WNT5A: variants seen among roughly 807,000 people sequenced by gnomAD.
WNT5A encodes protein Wnt-5a.
In WNT5A, 9 loss-of-function variants were observed where a neutral mutation model predicts 42.1. That is an observed-to-expected ratio of 0.21 (90% confidence interval 0.13 to 0.37). The LOEUF (loss-of-function observed/expected upper bound fraction) is 0.37. Ranked by LOEUF, WNT5A falls within the 10% of genes least tolerant of loss-of-function variation. WNT5A has a pLI of 1.00. For synonymous variants in WNT5A, 210 were observed against 210.0 expected (o/e 1.00, Z 0.00); for missense variants, 426 against 534.0 (o/e 0.80, Z 1.99).
rs188147885 is a variant in WNT5A at position 55,473,086 on chromosome 3, C to T, written c.684+1251G>A. Reference sequence around the variant, plus strand: ...TTTTAACCCAGATTTCTCTAATTCCCGAACTGCTAGCTCTTCATCTCTTAG... The same window carrying T: ...TTTTAACCCAGATTTCTCTAATTCCTGAACTGCTAGCTCTTCATCTCTTAG... On this transcript the variant is annotated intron_variant, in intron 4 of 4. Coordinates refer to ENST00000264634, the MANE Select transcript of WNT5A (RefSeq NM_003392.7). Among the ~76,000 whole-genome samples the T allele has an allele frequency of 7.2e-5, 11 of 152,278 alleles. No homozygotes were observed. In the East Asian group the frequency reaches 1.4e-3, roughly 19 times the overall value.
rs1366241871 is a variant in WNT5A at position 55,467,817 on chromosome 3, T to C, written c.*2275A>G. On this transcript the variant is annotated 3_prime_UTR_variant, in exon 5 of 5. Transcript: ENST00000264634. The stretch of plus-strand genomic sequence containing the variant: ...TTAAACTCAACTCTCTTCATAAACA[T>C]GAGTCACTAAAAAGGAACAATCTGA... 2 of 151,598 alleles carry C rather than the reference T, an allele frequency of 1.3e-5. No homozygotes were observed. The highest frequency in any genetic ancestry group is 4.9e-5 in the African/African-American group (2 of 41,100). 9.4% of individuals were successfully genotyped at this position (151,598 alleles called of 1,614,324 possible).
chr3:55,490,213 C>G (rs966710345), upstream of WNT5A: 1 of 152,272 alleles, frequency 6.6e-6, no homozygotes, highest in African/African-American at 2.4e-5. Context: ...TCCACACATA[C>G]AGCCAGTCTA....
the WNT5A span, among the ~76,000 whole-genome samples, chr3:55,497,169 A>T: frequency 2.0e-3 from 302 of 152,376 alleles, no homozygotes; most frequent in African/African-American, 7.0e-3. Flanking sequence ...TCCCAAATGC[A>T]TGGGTGAGGT....
In WNT5A at chr3:55,470,279, C is replaced by T; in HGVS notation, c.956G>A (p.Gly319Asp). The T allele has an allele frequency of 6.2e-7, 1 of 1,614,012 alleles. No individual in the cohort carries two copies. The highest frequency in any genetic ancestry group is 1.1e-5 in the South Asian group (1 of 91,084). Residue 319 changes from glycine to aspartate, a missense_variant, in exon 5 of 5, where the codon GGC (glycine) becomes GAC (aspartate). Transcript: ENST00000264634. ...CVRNESTGSLGTQGRLCNKTS... is the reference protein window; with the variant it reads ...CVRNESTGSLDTQGRLCNKTS... ...CTTGTTGCACAGGCGGCCCTGCGTG[C>T]CCAGCGAGCCGGTGCTCTCATTGCG...
chr3:55,488,910 A>T (rs2051623601), upstream of WNT5A, among the ~76,000 whole-genome samples: 1 of 152,126 alleles, frequency 6.6e-6, no homozygotes, highest in Non-Finnish European at 1.5e-5. Context: ...ACTGGGGCTG[A>T]TGGATAGGGT....
At position 55,474,581 on chromosome 3, in the gene WNT5A, A is replaced by G; in HGVS notation, c.440T>C (p.Val147Ala). ...GCGGCACGCCCGGCTCATGGCGTTC[A>G]CCACCCCTGCTGCGCTCACCGCGTA... is the stretch of plus-strand genomic sequence containing the variant. ...FTYAVSAAGVVNAMSRACREG... is the reference protein window; with the variant it reads ...FTYAVSAAGVANAMSRACREG... Residue 147 changes from valine (V) to alanine (A), a missense_variant, in exon 4 of 5, where the codon GTG becomes GCG. Val to Ala is a moderately conservative substitution (Grantham distance 64, BLOSUM62 0). Coordinates refer to ENST00000264634, the MANE Select transcript of WNT5A (RefSeq NM_003392.7). The G allele has an allele frequency of 6.7e-7, 1 of 1,494,422 alleles. No homozygotes were observed. Among genetic ancestry groups the G allele is most frequent in the Non-Finnish European group, 8.9e-7 (1 of 1,127,104 alleles). The allele number at this position is 1,494,422 out of a possible 1,614,324, so 92.6% of individuals were successfully genotyped here. A position where few individuals can be genotyped will look rare whatever the true frequency, so the allele number is the denominator to read the frequency against.
chr3:55,467,221 T>G lies in WNT5A; in HGVS notation c.*2871A>C, dbSNP rs2051159024. The G allele has an allele frequency of 1.3e-5, 2 of 152,550 alleles. No homozygotes were observed. The highest frequency in any genetic ancestry group is 1.3e-4 in the Admixed American group (2 of 15,276). 9.4% of individuals were successfully genotyped at this position (152,550 alleles called of 1,614,324 possible). A position where few individuals can be genotyped will look rare whatever the true frequency, so the allele number is the denominator to read the frequency against. On this transcript the variant is annotated 3_prime_UTR_variant, in exon 5 of 5. Coordinates refer to ENST00000264634, the MANE Select transcript of WNT5A (RefSeq NM_003392.7). ...AATACATTTTTTTGGACTAAAAATC[T>G]GGTCACGGATAAAAGCATGTGCCTT... is the stretch of plus-strand genomic sequence containing the variant.
chr3:55,500,040 A>G, the WNT5A span, among the ~76,000 whole-genome samples: 1 of 151,932 alleles, frequency 6.6e-6, no homozygotes, highest in Non-Finnish European at 1.5e-5. Context: ...GGATTCAGCA[A>G]TTTATCCCAC....
At chr3:55,471,592 C>T (rs140765957) in intron 4 of WNT5A, among the ~76,000 whole-genome samples, 13 of 152,364 alleles carry the variant, frequency 8.5e-5, no homozygotes, top group African/African-American at 2.6e-4. Flanking sequence ...AGGGTAACAA[C>T]GGACACACTC....
chr3:55,471,065 T>A (rs186242953), intron 4 of WNT5A, among the ~76,000 whole-genome samples: 5 of 152,294 alleles, frequency 3.3e-5, no homozygotes, highest in Admixed American at 2.6e-4. Context: ...GACTTGCCCA[T>A]GGATATCCAG....
At chr3:55,480,525 C>T (rs1388708635) in intron 2 of WNT5A, among the ~76,000 whole-genome samples, 1 of 152,162 alleles carries the variant, frequency 6.6e-6, no homozygotes, top group Non-Finnish European at 1.5e-5. Flanking sequence ...GTACTACAAG[C>T]ACACGTCTGA....
the WNT5A span, among the ~76,000 whole-genome samples, chr3:55,496,945 A>G: frequency 1.3e-5 from 2 of 152,258 alleles, no homozygotes; most frequent in Non-Finnish European, 2.9e-5. Context: ...GCATTCATTC[A>G]TTCATCCCGT....
intron 4 of WNT5A, among the ~76,000 whole-genome samples, chr3:55,473,275 T>A (rs1256299958): frequency 6.6e-6 from 1 of 152,208 alleles, no homozygotes; most frequent in African/African-American, 2.4e-5. Context: ...TACAGTTTAC[T>A]CTGTGATTAA....
chr3:55,468,574 A>C lies in WNT5A; in HGVS notation c.*1518T>G, dbSNP rs2051188134. 1 of 151,970 alleles carries C rather than the reference A, an allele frequency of 6.6e-6. No homozygotes were observed. Among genetic ancestry groups the C allele is most frequent in the Admixed American group, 6.6e-5 (1 of 15,248 alleles). 9.4% of individuals were successfully genotyped at this position (151,970 alleles called of 1,614,324 possible). A position where few individuals can be genotyped will look rare whatever the true frequency, so the allele number is the denominator to read the frequency against. ...AAGGACAACAATGCTCTAGACAGAG[A>C]AATAACCCCAGAGTAAACTGTAAAT... On this transcript the variant is annotated 3_prime_UTR_variant, in exon 5 of 5. Transcript: ENST00000264634.
chr3:55,503,235 G>A, the WNT5A span, among the ~76,000 whole-genome samples: 1 of 152,172 alleles, frequency 6.6e-6, no homozygotes, highest in East Asian at 1.9e-4. Context: ...GAGAATGGCT[G>A]GGAGTCAGCA....
At chr3:55,488,368 T>G (rs1575409764), upstream of WNT5A, 1 of 81,988 alleles carries the variant, frequency 1.2e-5, no homozygotes, top group Admixed American at 1.5e-4. Context: ...ACTCTCTCCC[T>G]CCCTCTCTCC....
At position 55,474,373 on chromosome 3, in the gene WNT5A, G is replaced by T. The variant is rs1213352508; in HGVS notation, c.648C>A (p.Ile216=). The stretch of plus-strand genomic sequence containing the variant: ...CCTCGTTGTTGTGCAGGTTCATGAG[G>T]ATGCGAGCACTCTCGTAGGAGCCCT... The part of the protein sequence containing the change: ...HAKGSYESAR[I]LMNLHNNEAG... The change falls in exon 4 of 5, where the codon ATC becomes ATA. Residue 216 remains isoleucine, a synonymous_variant. Coordinates refer to ENST00000264634, the MANE Select transcript of WNT5A (RefSeq NM_003392.7). 17 of 1,613,072 alleles carry T rather than the reference G, an allele frequency of 1.1e-5. No individual in the cohort carries two copies. The highest frequency in any genetic ancestry group is 1.0e-5 in the Non-Finnish European group (12 of 1,179,816).
Position 55,479,362 on chromosome 3 carries a change from A to T in WNT5A, c.343T>A (p.Cys115Ser). The T allele has an allele frequency of 6.2e-7, 1 of 1,613,490 alleles. No homozygotes were observed. Among genetic ancestry groups the T allele is most frequent in the Non-Finnish European group, 8.5e-7 (1 of 1,179,514 alleles). The change falls in exon 3 of 5, where the codon TGC (cysteine) becomes AGC (serine). Residue 115 changes from cysteine (C) to serine (S), a missense_variant. Transcript: ENST00000264634. ...QYQFRHRRWN[C>S]STVDNTSVFG... ...ACAGAGGTGTTATCCACAGTGCTGC[A>T]GTTCCACCTTCGATGTCGGAATTGA...
rs1435625630 is a variant in WNT5A, at chr3:55,480,811, C to G, written c.114G>C (p.Gln38His). ...ACCAAGAATTGGCTTCAATTACAAC[C>G]TGGGCGAAGGAGAAAAATATGGCCA... ...VALAIFFSFAQVVIEANSWWS... is the reference protein window; with the variant it reads ...VALAIFFSFAHVVIEANSWWS... Residue 38 changes from glutamine to histidine, a missense_variant, in exon 2 of 5, where the codon CAG becomes CAC. Gln to His is a conservative substitution (Grantham distance 24, BLOSUM62 0). Coordinates refer to ENST00000264634, the MANE Select transcript of WNT5A (RefSeq NM_003392.7). 1.3e-6 allele frequency: 2 copies of G among 1,573,362 alleles called. No individual in the cohort carries two copies. Among genetic ancestry groups the G allele is most frequent in the Non-Finnish European group, 1.7e-6 (2 of 1,158,644 alleles).
Sources: gnomAD v4.1 joint callset for allele counts (sites outside exome capture counted in the v4.1 genomes callset) on GRCh38, gnomAD v4.1.1 for gene constraint, MANE v1.5 for transcripts, NCBI Gene and HGNC (gene_info 2026-07-23, HGNC 2026-07-21) for gene names.